The following ZFHX3 variants were observed in gnomAD, a reference collection of about 807,000 sequenced individuals.
ZFHX3 encodes zinc finger homeobox protein 3.
A neutral mutation model predicts 279.1 loss-of-function variants in ZFHX3; 42 were observed. The observed-to-expected ratio is 0.15, with a 90% CI of 0.12 to 0.19. ZFHX3 has a LOEUF of 0.19. ZFHX3 is among the 10% of genes least tolerant of loss of function. The probability of loss-of-function intolerance (pLI) is 1.00; values close to 1 mark genes in which losing one functional copy is unlikely to be tolerated. For synonymous variants in ZFHX3, 2,293 were observed against 1,957.8 expected (o/e 1.17, Z -4.52); for missense variants, 4,981 against 4,754.0 (o/e 1.05, Z -1.40).
chr16:73,226,455 T>G (rs1048735028), intron 5 of ZFHX3, among the ~76,000 whole-genome samples: 2 of 152,242 alleles, frequency 1.3e-5, no homozygotes, highest in Admixed American at 6.5e-5. Flanking sequence ...TAAAATTAAT[T>G]GAGCAAGTAC....
intron 5 of ZFHX3, among the ~76,000 whole-genome samples, chr16:72,824,559 G>A (rs868749388): frequency 2.0e-5 from 3 of 152,106 alleles, no homozygotes; most frequent in Middle Eastern, 3.4e-3. Context: ...CCTCCAACCC[G>A]CATTTTTCAA....
exon 8 of ZFHX3, chr16:73,093,580 T>G (rs1423764384): frequency 5.8e-6 from 3 of 513,112 alleles, no homozygotes; most frequent in Non-Finnish European, 1.2e-5. Flanking sequence ...GTCTTCATCT[T>G]GGGCTAACCG....
At chr16:73,521,910 GGTA>G in intron 2 of ZFHX3, among the ~76,000 whole-genome samples, 1 of 152,124 alleles carries the variant, frequency 6.6e-6, no homozygotes, top group African/African-American at 2.4e-5. Flanking sequence ...ACTCTGCTGA[GGTA>G]GTATTTATTT....
At chr16:73,663,412 G>C (rs78623238) in intron 2 of ZFHX3, among the ~76,000 whole-genome samples, 11,097 of 152,250 alleles carry the variant, frequency 0.073, 551 homozygotes, top group Non-Finnish European at 0.11. Flanking sequence ...CACCCTGCAG[G>C]TCTTGCCTGG....
intron 5 of ZFHX3, among the ~76,000 whole-genome samples, chr16:73,239,003 T>A (rs1033166466): frequency 6.6e-6 from 1 of 152,152 alleles, no homozygotes; most frequent in Non-Finnish European, 1.5e-5. Context: ...ATGACTCCAC[T>A]TTCACAATGA....
intron 7 of ZFHX3, among the ~76,000 whole-genome samples, chr16:73,098,184 C>T (rs772279449): frequency 3.3e-5 from 5 of 151,848 alleles, no homozygotes; most frequent in Non-Finnish European, 7.4e-5. Flanking sequence ...TCTCCTGCCT[C>T]AGCCTCCTGA....
chr16:73,554,571 A>C (rs564010271), intron 2 of ZFHX3: 1 of 152,338 alleles, frequency 6.6e-6, no homozygotes, highest in South Asian at 2.1e-4. Flanking sequence ...GGTGGCATAG[A>C]ATAAAACTTT....
intron 3 of ZFHX3, among the ~76,000 whole-genome samples, chr16:73,383,134 G>A (rs1161387258): frequency 6.6e-6 from 1 of 152,222 alleles, no homozygotes; most frequent in Non-Finnish European, 1.5e-5. Flanking sequence ...CTTAAGGCTT[G>A]GGGACCCAAT....
chr16:73,779,677 C>T (rs186223793), intron 1 of ZFHX3, among the ~76,000 whole-genome samples: 6 of 152,322 alleles, frequency 3.9e-5, no homozygotes, highest in East Asian at 3.9e-4. Flanking sequence ...GTTATGCTCC[C>T]GTTGTACAAC....
At chr16:73,429,784 C>A (rs534403363) in intron 3 of ZFHX3, among the ~76,000 whole-genome samples, 5 of 152,214 alleles carry the variant, frequency 3.3e-5, no homozygotes, top group Non-Finnish European at 7.3e-5. Context: ...GTTGTCCCTA[C>A]CAGGCTGCTC....
At chr16:73,606,356 C>G (rs1048247335) in intron 2 of ZFHX3, among the ~76,000 whole-genome samples, 2 of 151,224 alleles carry the variant, frequency 1.3e-5, no homozygotes, top group South Asian at 2.1e-4. Flanking sequence ...CGTGGTGGTG[C>G]GCACCTGTAA....
At chr16:73,647,638 G>C (rs987929331) in intron 2 of ZFHX3, among the ~76,000 whole-genome samples, 1 of 151,950 alleles carries the variant, frequency 6.6e-6, no homozygotes, top group East Asian at 1.9e-4. Context: ...CTTTATAGCA[G>C]TGTGGAAATA....
rs76165025 is a variant in ZFHX3 at position 73,363,250 on chromosome 16, G to A, written c.-1290-44914C>T. On this transcript the variant is annotated intron_variant, in intron 3 of 17. Transcript: ENST00000641206. ...CAACTCGGAGGACCCGGATCAAACT[G>A]CTGACCCACAGAATCACAAATTAAA... 8.6e-3 allele frequency among the ~76,000 whole-genome samples: 1,312 copies of A among 152,340 alleles called. 14 individuals are homozygous for A. Among genetic ancestry groups the A allele is most frequent in the African/African-American group, 0.03 (1,243 of 41,572 alleles).
chr16:73,761,644 C>T (rs991610033), intron 1 of ZFHX3, among the ~76,000 whole-genome samples: 5 of 152,048 alleles, frequency 3.3e-5, no homozygotes, highest in African/African-American at 1.2e-4. Flanking sequence ...ACACATAGAC[C>T]AATGGAACAG....
At chr16:73,691,125 G>A (rs2053145728) in intron 1 of ZFHX3, among the ~76,000 whole-genome samples, 1 of 152,132 alleles carries the variant, frequency 6.6e-6, no homozygotes, top group African/African-American at 2.4e-5. Flanking sequence ...ACAACAAATT[G>A]GAGTGAGCTC....
intron 4 of ZFHX3, among the ~76,000 whole-genome samples, chr16:73,272,811 G>A (rs1187992860): frequency 6.6e-6 from 1 of 152,170 alleles, no homozygotes; most frequent in Non-Finnish European, 1.5e-5. Flanking sequence ...CAGTGGCGAT[G>A]ACATGGTTCA....
intron 3 of ZFHX3, among the ~76,000 whole-genome samples, chr16:73,330,307 G>A (rs992736893): frequency 2.6e-5 from 4 of 152,154 alleles, no homozygotes; most frequent in Non-Finnish European, 5.9e-5. Context: ...ATTAATCTGG[G>A]CAGGTTAATG....
intron 1 of ZFHX3, among the ~76,000 whole-genome samples, chr16:73,003,400 A>AT (rs1392671558): frequency 6.6e-6 from 1 of 151,666 alleles, no homozygotes; most frequent in African/African-American, 2.4e-5. Context: ...AGGATAATAC[A>AT]TTTTTTGCTA....
chr16:73,309,653 A>G (rs1208668890), intron 4 of ZFHX3, among the ~76,000 whole-genome samples: 3 of 152,210 alleles, frequency 2.0e-5, no homozygotes. Context: ...TAATGGGAAC[A>G]TGTTTTGACA....
Sources: allele counts gnomAD v4.1 joint callset (sites outside exome capture counted in the v4.1 genomes callset), GRCh38; gene constraint gnomAD v4.1.1; transcripts MANE v1.5; gene names NCBI Gene and HGNC (gene_info 2026-07-23, HGNC 2026-07-21).